ANK2: variants seen among roughly 807,000 people sequenced by gnomAD.
The protein encoded by ANK2 is ankyrin 2, also known as ankyrin-2.
ANK2 carries 83 observed loss-of-function variants against 360.5 expected under a neutral mutation model. The ratio of observed to expected loss-of-function variants is 0.23; its 90% CI spans 0.19 to 0.28. The LOEUF is 0.28. Among genes scored for constraint, ANK2 ranks in the 10% least tolerant of loss-of-function variants. The probability of loss-of-function intolerance (pLI) is 1.00; values close to 1 mark genes in which losing one functional copy is unlikely to be tolerated. For synonymous variants in ANK2, 1,740 were observed against 1,759.5 expected (o/e 0.99, Z 0.28); for missense variants, 4,201 against 4,795.7 (o/e 0.88, Z 3.66).
At position 113,358,840 on chromosome 4, in the gene ANK2, C is replaced by T. The variant is rs773715451; in HGVS notation, c.10222C>T (p.Arg3408Ter). The change falls in exon 38 of 46, where the codon CGA becomes TGA. Residue 3408 changes from arginine (R) to a stop codon, truncating the protein, a stop_gained. Coordinates refer to ENST00000357077, the MANE Select transcript of ANK2 (RefSeq NM_001148.6). LOFTEE classifies it high-confidence loss of function. The part of the protein sequence containing the change: ...DSKTKCPVKT[R>*]SYTETETESR... Reference sequence around the variant, plus strand: ...AAAGACCAAATGCCCAGTAAAAACCCGAAGTTACACTGAGACAGAAACAGA... The same window carrying T: ...AAAGACCAAATGCCCAGTAAAAACCTGAAGTTACACTGAGACAGAAACAGA... 1.2e-6 allele frequency: 2 copies of T among 1,613,972 alleles called. No homozygotes were observed. The highest frequency in any genetic ancestry group is 1.7e-6 in the Non-Finnish European group (2 of 1,179,940).
rs983834387 is a variant in ANK2, at chr4:113,290,587, T to C, written c.2278-1829T>C. ...GGTTTAGAACAGCACATGAAAAAAA[T>C]TGTATTTATTAAAGACACTGTGAAG... On this transcript the variant is annotated intron_variant, in intron 20 of 45. Coordinates refer to ENST00000357077, the MANE Select transcript of ANK2 (RefSeq NM_001148.6). 3.9e-5 allele frequency among the ~76,000 whole-genome samples: 6 copies of C among 152,080 alleles called. No individual in the cohort carries two copies. The South Asian group carries it at 6.2e-4, about 16-fold the overall frequency.
chr4:113,283,744 G>A (rs2063307959), intron 18 of ANK2, among the ~76,000 whole-genome samples: 1 of 152,230 alleles, frequency 6.6e-6, no homozygotes, highest in East Asian at 1.9e-4. Flanking sequence ...TATTAAGTTG[G>A]TCTGTCATTT....
At chr4:112,762,670 C>T in the ANK2 span, among the ~76,000 whole-genome samples, 1 of 152,086 alleles carries the variant, frequency 6.6e-6, no homozygotes, top group Non-Finnish European at 1.5e-5. Context: ...CCACCATGCC[C>T]GGCTAATTTT....
At chr4:112,968,686 A>C (rs6833604) in intron 2 of ANK2, among the ~76,000 whole-genome samples, 1 of 152,020 alleles carries the variant, frequency 6.6e-6, no homozygotes, top group Middle Eastern at 3.2e-3. Context: ...CTACAATGTG[A>C]GGGAATCCCA....
intron 1 of ANK2, among the ~76,000 whole-genome samples, chr4:113,092,388 A>G (rs1253836273): frequency 6.6e-6 from 1 of 152,182 alleles, no homozygotes; most frequent in Admixed American, 6.5e-5. Context: ...TTGTTAATTA[A>G]AGTGTCCATG....
the ANK2 span, among the ~76,000 whole-genome samples, chr4:112,706,275 G>C: frequency 3.3e-5 from 5 of 152,150 alleles, no homozygotes; most frequent in Admixed American, 3.3e-4. Flanking sequence ...CGTCCCCCAA[G>C]GGCGGGGACC....
chr4:112,811,517 G>T, the ANK2 span, among the ~76,000 whole-genome samples: 1 of 151,948 alleles, frequency 6.6e-6, no homozygotes, highest in Non-Finnish European at 1.5e-5. Context: ...TGGTAAATGG[G>T]GAAATTACTA....
In ANK2 at chr4:113,230,880, C is replaced by T. The variant is rs187065554; in HGVS notation, c.385-1281C>T. 8.5e-4 allele frequency among the ~76,000 whole-genome samples: 129 copies of T among 152,174 alleles called. 1 individual carries two copies. Among genetic ancestry groups the T allele is most frequent in the African/African-American group, 2.9e-3 (122 of 41,504 alleles). ...TCTGTCTTGTTTATCACTGTAGCTC[C>T]GTGATAGCCTAGCCACCAGTGGCTG... On this transcript the variant is annotated intron_variant, in intron 4 of 45. Transcript: ENST00000357077.
At chr4:112,850,138 C>T (rs2064318740) in intron 1 of ANK2, among the ~76,000 whole-genome samples, 1 of 152,110 alleles carries the variant, frequency 6.6e-6, no homozygotes, top group South Asian at 2.1e-4. Context: ...TATCAACTTC[C>T]CTGTTTCTCA....
chr4:112,723,166 G>A, the ANK2 span, among the ~76,000 whole-genome samples: 2 of 152,090 alleles, frequency 1.3e-5, no homozygotes, highest in East Asian at 3.8e-4. Flanking sequence ...CACGAACCTG[G>A]AATTAAGTTA....
At chr4:113,343,263 T>C in intron 34 of ANK2, 121 bp downstream of exon 34, 4 of 1,131,692 alleles carry the variant, frequency 3.5e-6, no homozygotes, top group Admixed American at 2.4e-5. Context: ...TTTAACCATA[T>C]TTGTAACGTT....
chr4:113,045,188 C>T (rs1056630016), upstream of ANK2, among the ~76,000 whole-genome samples: 8 of 152,106 alleles, frequency 5.3e-5, no homozygotes, highest in Admixed American at 5.2e-4. Context: ...ACTATTAACA[C>T]TCATGGTTTA....
chr4:112,893,212 A>G (rs768529485), intron 1 of ANK2, among the ~76,000 whole-genome samples: 2 of 152,176 alleles, frequency 1.3e-5, no homozygotes, highest in Non-Finnish European at 2.9e-5. Flanking sequence ...CATTATACCT[A>G]TAAGTGTGAA....
At chr4:113,072,363 C>T (rs1194405579) in intron 1 of ANK2, among the ~76,000 whole-genome samples, 3 of 152,192 alleles carry the variant, frequency 2.0e-5, no homozygotes, top group Non-Finnish European at 4.4e-5. Context: ...GAGACCCAGA[C>T]ATAAGGAGTC....
At chr4:113,335,771 C>G in intron 29 of ANK2, 75 bp from the exon 30 acceptor site, 1 of 1,438,304 alleles carries the variant, frequency 7.0e-7, no homozygotes, top group Non-Finnish European at 9.8e-7. Flanking sequence ...ATTAACCGAG[C>G]GAATGAGTTG....
chr4:113,048,430 A>ATTTT (rs61689467), upstream of ANK2, among the ~76,000 whole-genome samples: 3 of 129,740 alleles, frequency 2.3e-5, no homozygotes, highest in African/African-American at 2.9e-5. Context: ...CACCTGGCTA[A>ATTTT]TTTTTTTTTT....
intron 2 of ANK2, among the ~76,000 whole-genome samples, chr4:113,184,707 TTTATTA>T (rs200189943): frequency 6.6e-6 from 1 of 151,726 alleles, no homozygotes; most frequent in Non-Finnish European, 1.5e-5. Flanking sequence ...CATTAATTCT[TTTATTA>T]TTATTATTAT....
intron 4 of ANK2, among the ~76,000 whole-genome samples, chr4:113,230,203 C>T (rs1315982874): frequency 6.6e-6 from 1 of 152,026 alleles, no homozygotes; most frequent in East Asian, 1.9e-4. Context: ...AATTTTCCTC[C>T]AACATTTGAA....
Position 113,365,199 on chromosome 4 carries a change from G to GTT in ANK2, c.11032+18_11032+19insTT, listed in dbSNP as rs2096463668. On this transcript the variant is annotated intron_variant, in intron 41 of 45. Transcript: ENST00000357077. The stretch of plus-strand genomic sequence containing the variant: ...ATAGTGAAGGTCAAACTGTGTGTGT[G>GTT]TATGTGTGTGTGTGTGTGTGTGTGT... 6.6e-7 allele frequency: 1 copy of GTT among 1,520,306 alleles called. No individual in the cohort carries two copies. The highest frequency in any genetic ancestry group is 2.0e-5 in the Admixed American group (1 of 49,462). The allele number at this position is 1,520,306 out of a possible 1,614,324, so 94.2% of individuals were successfully genotyped here. A position where few individuals can be genotyped will look rare whatever the true frequency, so the allele number is the denominator to read the frequency against.
Sources: allele counts gnomAD v4.1 joint callset (sites outside exome capture counted in the v4.1 genomes callset), GRCh38; gene constraint gnomAD v4.1.1; transcripts MANE v1.5; gene names NCBI Gene and HGNC (gene_info 2026-07-23, HGNC 2026-07-21).